PLPP1: variants seen among roughly 807,000 people sequenced by gnomAD.
PLPP1 encodes the protein phospholipid phosphatase 1, also known as lipid phosphate phosphohydrolase 1a.
Under a neutral mutation model 31.2 loss-of-function variants are expected in PLPP1, and 24 were observed. The observed-to-expected ratio is 0.77, with a 90% CI of 0.56 to 1.08. PLPP1 has a LOEUF of 1.08. PLPP1 is among the 50% of genes least tolerant of loss of function. The pLI, the probability that PLPP1 is intolerant of heterozygous loss-of-function variation, is 0.00. For synonymous variants in PLPP1, 146 were observed against 126.3 expected (o/e 1.16, Z -1.05); for missense variants, 319 against 342.7 (o/e 0.93, Z 0.55).
At chr5:55,508,616 G>A (rs183679934) in intron 1 of PLPP1, among the ~76,000 whole-genome samples, 43 of 152,302 alleles carry the variant, frequency 2.8e-4, no homozygotes, top group African/African-American at 9.9e-4. Flanking sequence ...ATAATAAACA[G>A]GGTGAAATTA....
intron 4 of PLPP1, among the ~76,000 whole-genome samples, chr5:55,431,791 A>G (rs1751356928): frequency 6.6e-6 from 1 of 152,266 alleles, no homozygotes; most frequent in Non-Finnish European, 1.5e-5. Flanking sequence ...TCTTAAAAGT[A>G]CAAAGGATCA....
At chr5:55,438,628 G>A (rs539042075) in intron 4 of PLPP1, among the ~76,000 whole-genome samples, 6 of 152,254 alleles carry the variant, frequency 3.9e-5, no homozygotes, top group Admixed American at 2.0e-4. Flanking sequence ...TAGGCCAGGC[G>A]CGGTGGCTCA....
At chr5:55,509,733 T>C (rs1240721229) in intron 1 of PLPP1, among the ~76,000 whole-genome samples, 17 of 152,310 alleles carry the variant, frequency 1.1e-4, no homozygotes, top group African/African-American at 4.1e-4. Context: ...ACTCTCACAT[T>C]TCCACACAAA....
At chr5:55,467,615 C>G (rs944838725) in intron 3 of PLPP1, among the ~76,000 whole-genome samples, 2 of 151,518 alleles carry the variant, frequency 1.3e-5, no homozygotes, top group Admixed American at 1.3e-4. Context: ...CCTAAATGAT[C>G]TATAAGGTTC....
intron 1 of PLPP1, among the ~76,000 whole-genome samples, chr5:55,477,054 T>C (rs1489203616): frequency 7.8e-5 from 9 of 116,120 alleles, no homozygotes; most frequent in Admixed American, 2.7e-4. Flanking sequence ...AAAAAAATAA[T>C]AAACTAGAGC....
intron 1 of PLPP1, among the ~76,000 whole-genome samples, chr5:55,497,898 C>T (rs1753036917): frequency 1.3e-5 from 2 of 152,096 alleles, no homozygotes; most frequent in African/African-American, 4.8e-5. Context: ...AACACAGCAA[C>T]TCTACTCTCC....
chr5:55,506,771 C>T (rs1358311523), intron 1 of PLPP1, among the ~76,000 whole-genome samples: 1 of 152,128 alleles, frequency 6.6e-6, no homozygotes, highest in Non-Finnish European at 1.5e-5. Flanking sequence ...CAAGTTAAGT[C>T]TACAGTTACT....
chr5:55,533,271 T>G (rs1740743725), intron 1 of PLPP1, among the ~76,000 whole-genome samples: 2 of 149,696 alleles, frequency 1.3e-5, no homozygotes. Flanking sequence ...TAATCCCAGC[T>G]ACTAGAGAGG....
chr5:55,490,905 T>G lies in PLPP1; in HGVS notation c.59-15455A>C. 2.6e-6 allele frequency: 4 copies of G among 1,530,416 alleles called. No individual in the cohort carries two copies. In the South Asian group the frequency reaches 4.8e-5, roughly 18 times the overall value. The allele number at this position is 1,530,416 out of a possible 1,614,324, so 94.8% of individuals were successfully genotyped here. On this transcript the variant is annotated intron_variant, in intron 1 of 5. Transcript: ENST00000307259. The stretch of plus-strand genomic sequence containing the variant: ...TTTACCCCCGCCCCAACTCCATGCT[T>G]CATCCAACCTCCAGCACAACAAACC...
At chr5:55,478,193 T>G (rs1752598149) in intron 1 of PLPP1, among the ~76,000 whole-genome samples, 1 of 152,128 alleles carries the variant, frequency 6.6e-6, no homozygotes, top group African/African-American at 2.4e-5. Context: ...TTAGAAACTA[T>G]TCTTAGATTT....
chr5:55,460,540 G>C (rs1752132164), intron 3 of PLPP1, among the ~76,000 whole-genome samples: 1 of 152,146 alleles, frequency 6.6e-6, no homozygotes, highest in Admixed American at 6.5e-5. Context: ...ATGACATGAT[G>C]AACAATTTGA....
At chr5:55,493,714 C>G (rs2111860332) in intron 1 of PLPP1, among the ~76,000 whole-genome samples, 1 of 151,898 alleles carries the variant, frequency 6.6e-6, no homozygotes, top group South Asian at 2.1e-4. Flanking sequence ...AGTGAAACCC[C>G]ATCTATACTA....
chr5:55,462,950 G>C (rs1487148552), intron 3 of PLPP1, among the ~76,000 whole-genome samples: 7 of 151,692 alleles, frequency 4.6e-5, no homozygotes, highest in African/African-American at 1.7e-4. Context: ...TCCAGCCTGG[G>C]GGATACAGCG....
At chr5:55,473,100 T>C (rs1752457324) in intron 2 of PLPP1, among the ~76,000 whole-genome samples, 1 of 152,246 alleles carries the variant, frequency 6.6e-6, no homozygotes, top group Admixed American at 6.5e-5. Context: ...AAAAATGTTA[T>C]ATTTAATTGC....
chr5:55,449,433 C>G (rs1751847635), intron 3 of PLPP1, among the ~76,000 whole-genome samples: 1 of 152,004 alleles, frequency 6.6e-6, no homozygotes, highest in African/African-American at 2.4e-5. Context: ...AAATCTCTTC[C>G]CCGCCAAATA....
At chr5:55,493,699 A>G (rs1752944461) in intron 1 of PLPP1, among the ~76,000 whole-genome samples, 1 of 152,098 alleles carries the variant, frequency 6.6e-6, no homozygotes. Flanking sequence ...CATCCTGGCT[A>G]ACACAGTGAA....
chr5:55,432,414 C>T (rs566225572), intron 4 of PLPP1, among the ~76,000 whole-genome samples: 60 of 152,006 alleles, frequency 3.9e-4, no homozygotes, highest in Non-Finnish European at 7.6e-4. Context: ...CCATTTGGTC[C>T]CAATCCAGGA....
chr5:55,438,807 A>G (rs1751554844), intron 4 of PLPP1, among the ~76,000 whole-genome samples: 2 of 152,034 alleles, frequency 1.3e-5, no homozygotes, highest in African/African-American at 4.8e-5. Flanking sequence ...AGGCTGAGGC[A>G]GGAGAATGGC....
chr5:55,475,980 C>CT (rs34891567), intron 1 of PLPP1, among the ~76,000 whole-genome samples: 111,924 of 139,164 alleles, frequency 0.8, 45,307 homozygotes, highest in South Asian at 0.88. Flanking sequence ...CTTAAAGTTT[C>CT]TTTTTTTTTT....
Sources: allele counts gnomAD v4.1 joint callset (sites outside exome capture counted in the v4.1 genomes callset), GRCh38; gene constraint gnomAD v4.1.1; transcripts MANE v1.5; gene names NCBI Gene and HGNC (gene_info 2026-07-23, HGNC 2026-07-21).